The following FBN2 variants were observed in gnomAD, a reference collection of about 807,000 sequenced individuals.
FBN2 encodes the protein fibrillin 2, also known as fibrillin-2.
FBN2 carries 105 observed loss-of-function variants against 355.6 expected under a neutral mutation model. The ratio of observed to expected loss-of-function variants is 0.30; its 90% CI spans 0.25 to 0.35. The LOEUF (loss-of-function observed/expected upper bound fraction) is 0.35. Ranked by LOEUF, FBN2 falls within the 10% of genes least tolerant of loss-of-function variation. The pLI is 1.00. For synonymous variants in FBN2, 1,350 were observed against 1,301.2 expected, an observed-to-expected ratio of 1.04 and a Z score of -0.81; for missense variants, 3,280 against 3,758.7, an observed-to-expected ratio of 0.87 and a Z score of 3.33.
Position 128,270,461 on chromosome 5 carries a change from G to A in FBN2, c.7960+1538C>T, listed in dbSNP as rs569031831. 1.5e-3 allele frequency among the ~76,000 whole-genome samples: 232 copies of A among 152,218 alleles called. 2 individuals are homozygous for A. The Middle Eastern group carries it at 0.02, about 13-fold the overall frequency. ...GGAAAATCACTTGAACCCAGGAGGCGGAGGTTGTAGTGAGCCAAGATCATG... is the reference window on the plus strand; with the variant it reads ...GGAAAATCACTTGAACCCAGGAGGCAGAGGTTGTAGTGAGCCAAGATCATG... On this transcript the variant is annotated intron_variant, in intron 62 of 64. Coordinates refer to ENST00000262464, the MANE Select transcript of FBN2 (RefSeq NM_001999.4).
rs1752991946 is a variant in FBN2 at position 128,408,683 on chromosome 5, G to A, written c.1069C>T (p.Arg357Ter). The change falls in exon 8 of 65, where the codon CGA (arginine) becomes TGA (stop). Residue 357 changes from arginine (R) to a stop codon, truncating the protein, a stop_gained. Coordinates refer to ENST00000262464, the MANE Select transcript of FBN2 (RefSeq NM_001999.4). LOFTEE classifies it high-confidence loss of function. The stretch of plus-strand genomic sequence containing the variant: ...AAAATGCGAGGCTTACCGATGCATC[G>A]AGAGCCATCTGTTGAGGTTACATAT... Reference protein sequence around the residue: ...RGYVTSTDGSRCIDQRTGMCF... With the variant: ...RGYVTSTDGS 3 of 1,613,908 alleles carry A rather than the reference G, an allele frequency of 1.9e-6. No homozygotes were observed. The highest frequency in any genetic ancestry group is 2.5e-6 in the Non-Finnish European group (3 of 1,179,888).
At chr5:128,321,906 C>T (rs1750384736) in intron 34 of FBN2, among the ~76,000 whole-genome samples, 1 of 152,176 alleles carries the variant, frequency 6.6e-6, no homozygotes. Context: ...TATACTCCCA[C>T]CAATAGTGTA....
intron 52 of FBN2, 113 bp from the exon 53 acceptor site, chr5:128,288,670 G>T: frequency 8.1e-7 from 1 of 1,229,252 alleles, no homozygotes; most frequent in Non-Finnish European, 1.2e-6. Context: ...AAGGGCACAT[G>T]TAACCCTGGC....
At chr5:128,439,717 G>A (rs1326061910) in intron 7 of FBN2, among the ~76,000 whole-genome samples, 1 of 150,478 alleles carries the variant, frequency 6.6e-6, no homozygotes, top group South Asian at 2.1e-4. Flanking sequence ...TTCTTTTATT[G>A]CCATGTAATT....
chr5:128,393,280 A>G lies in FBN2; in HGVS notation c.1320T>C (p.Asn440=). 6.2e-7 allele frequency: 1 copy of G among 1,614,074 alleles called. No homozygotes were observed. Among genetic ancestry groups the G allele is most frequent in the Non-Finnish European group, 8.5e-7 (1 of 1,179,986 alleles). ...TGCCATTGCCACTTGGGGCAAAGCC[A>G]TTTCCCCCAGTGCCTCCAGGTCTGG... ...AGSRPGGTGG[N]GFAPSGNGNG... Residue 440 remains asparagine, a synonymous_variant, in exon 10 of 65, where the codon AAT becomes AAC. Transcript: ENST00000262464.
intron 62 of FBN2, among the ~76,000 whole-genome samples, chr5:128,264,812 A>T (rs1339319126): frequency 6.6e-6 from 1 of 152,208 alleles, no homozygotes; most frequent in African/African-American, 2.4e-5. Context: ...CTAGTGGGGA[A>T]GCGAGGGATC....
intron 51 of FBN2, among the ~76,000 whole-genome samples, 193 bp downstream of exon 51, chr5:128,289,689 T>C (rs780404602): frequency 6.6e-6 from 1 of 152,172 alleles, no homozygotes; most frequent in African/African-American, 2.4e-5. Flanking sequence ...CAGAGAAATA[T>C]GTATTTCATA....
Position 128,377,862 on chromosome 5 carries a change from A to G in FBN2, c.1739T>C (p.Ile580Thr). 2 of 1,613,450 alleles carry G rather than the reference A, an allele frequency of 1.2e-6. No individual in the cohort carries two copies. Among genetic ancestry groups the G allele is most frequent in the Non-Finnish European group, 1.7e-6 (2 of 1,179,490 alleles). ...GTTTTTACAAAGAACCCCATTCTGG[A>G]TGCACTCATCAATATCTAGGAAGAT... ...KQACIDIDEC[I>T]QNGVLCKNGR... is the part of the protein sequence containing the mutation. Residue 580 changes from isoleucine to threonine, a missense_variant, in exon 13 of 65, where the codon ATC becomes ACC. By Grantham distance (89) the Ile-to-Thr change is moderately conservative. Transcript: ENST00000262464.
intron 20 of FBN2, among the ~76,000 whole-genome samples, chr5:128,355,776 C>T (rs571138158): frequency 1.3e-5 from 2 of 152,274 alleles, no homozygotes; most frequent in African/African-American, 4.8e-5. Context: ...CTGCTCTACA[C>T]TGGGATATTC....
intron 36 of FBN2, among the ~76,000 whole-genome samples, chr5:128,314,915 T>A (rs911248070): frequency 7.9e-5 from 12 of 151,372 alleles, no homozygotes; most frequent in East Asian, 1.9e-4. Flanking sequence ...TAATTGCTTT[T>A]AAAAAAAAAC....
chr5:128,263,386 A>G (rs762439979), intron 63 of FBN2, 39 bp downstream of exon 63: 1 of 1,481,662 alleles, frequency 6.7e-7, no homozygotes, highest in Non-Finnish European at 9.4e-7. Context: ...CTCAGGAACC[A>G]TGTATTCCTC....
intron 5 of FBN2, among the ~76,000 whole-genome samples, chr5:128,486,659 C>T (rs112698007): frequency 0.11 from 16,002 of 151,970 alleles, 1,011 homozygotes; most frequent in African/African-American, 0.18. Flanking sequence ...TTCTAGGGTA[C>T]ATGTGCACAG....
rs773473369 is a variant in FBN2, at chr5:128,345,468, C to G, written c.3106G>C (p.Glu1036Gln). The change falls in exon 24 of 65, where the codon GAG (glutamate) becomes CAG (glutamine). Residue 1036 changes from glutamate to glutamine, a missense_variant. Physicochemically the swap from Glu to Gln is conservative, Grantham distance 29. Around this residue, in one of 6 missense-constraint regions of FBN2, gnomAD observed 2,284 missense variants for 2,749.5 expected, o/e 0.83. Transcript: ENST00000262464. ...CCAVGAAWGT[E>Q]CEECPKPGTK... ...CCAGGTTTGGGGCACTCCTCACACTCGGTGCCCCAAGCCGCCCCGACAGCA... is the reference window on the plus strand; with the variant it reads ...CCAGGTTTGGGGCACTCCTCACACTGGGTGCCCCAAGCCGCCCCGACAGCA... 5 of 1,613,988 alleles carry G rather than the reference C, an allele frequency of 3.1e-6. No individual in the cohort carries two copies. Among genetic ancestry groups the G allele is most frequent in the Non-Finnish European group, 4.2e-6 (5 of 1,179,996 alleles).
intron 7 of FBN2, among the ~76,000 whole-genome samples, chr5:128,431,922 C>T (rs1322267855): frequency 6.6e-6 from 1 of 152,104 alleles, no homozygotes; most frequent in African/African-American, 2.4e-5. Flanking sequence ...TGGATTATTT[C>T]TGGAATTCAC....
Position 128,349,486 on chromosome 5 carries a change from CAGCA to C in FBN2, c.2864-18_2864-15del. On this transcript the variant is annotated splice_polypyrimidine_tract_variant and intron_variant, in intron 22 of 64. Transcript: ENST00000262464. ...ACTCATTAACATCTGCAGGGAAATG[CAGCA>C]AGCAGAGGAGCAAAGATGTTACAAA... The C allele has an allele frequency of 5.0e-6, 8 of 1,613,548 alleles. No individual in the cohort carries two copies. Among genetic ancestry groups the C allele is most frequent in the Non-Finnish European group, 6.8e-6 (8 of 1,179,718 alleles).
chr5:128,277,287 A>T (rs194277), intron 58 of FBN2, among the ~76,000 whole-genome samples: 105,906 of 152,086 alleles, frequency 0.7, 37,094 homozygotes, highest in East Asian at 0.86. Context: ...TGTCATATAT[A>T]GGTGTGAGTG....
At chr5:128,517,758 C>T (rs917261563) in intron 5 of FBN2, among the ~76,000 whole-genome samples, 10 of 152,116 alleles carry the variant, frequency 6.6e-5, no homozygotes, top group East Asian at 3.9e-4. Flanking sequence ...GGCTTTTTCA[C>T]GACTCAAAGC....
intron 15 of FBN2, among the ~76,000 whole-genome samples, chr5:128,372,349 T>C (rs1751966018): frequency 6.6e-6 from 1 of 152,204 alleles, no homozygotes; most frequent in Non-Finnish European, 1.5e-5. Flanking sequence ...AATATACTAC[T>C]TAAAATCATA....
chr5:128,469,918 C>T (rs914836570), intron 5 of FBN2, among the ~76,000 whole-genome samples: 2 of 152,166 alleles, frequency 1.3e-5, no homozygotes, highest in African/African-American at 4.8e-5. Flanking sequence ...CAACAGGAGA[C>T]GTCCAGTGTG....
Sources: gnomAD v4.1 joint callset for allele counts (sites outside exome capture counted in the v4.1 genomes callset) on GRCh38, gnomAD v4.1.1 for gene constraint, gnomAD v4.1.1 regional missense constraint, MANE v1.5 for transcripts, NCBI Gene and HGNC (gene_info 2026-07-23, HGNC 2026-07-21) for gene names.